The following IMMP2L variants were observed in gnomAD, a reference collection of about 807,000 sequenced individuals.
The protein encoded by IMMP2L is inner mitochondrial membrane peptidase subunit 2.
A neutral mutation model predicts 19.3 loss-of-function variants in IMMP2L; 18 were observed. That is an observed-to-expected ratio of 0.93 (90% CI 0.64 to 1.38). The LOEUF (loss-of-function observed/expected upper bound fraction) is 1.38, where lower values mean the gene tolerates loss of function less well. Ranked by LOEUF, IMMP2L falls within the 40% of genes most tolerant of loss-of-function variation. The probability of loss-of-function intolerance (pLI) is 0.00; values close to 1 mark genes in which losing one functional copy is unlikely to be tolerated. For synonymous variants in IMMP2L, 76 were observed against 73.0 expected, an observed-to-expected ratio of 1.04 and a Z score of -0.21; for missense variants, 233 against 218.2, an observed-to-expected ratio of 1.07 and a Z score of -0.43.
chr7:111,471,103 A>G (rs1033010582), intron 3 of IMMP2L, among the ~76,000 whole-genome samples: 5 of 152,022 alleles, frequency 3.3e-5, no homozygotes, highest in African/African-American at 1.2e-4. Flanking sequence ...AATTTTTCCA[A>G]AGAGTTTTTG....
chr7:110,888,653 A>C (rs979979623), intron 4 of IMMP2L, among the ~76,000 whole-genome samples: 1 of 152,214 alleles, frequency 6.6e-6, no homozygotes, highest in Non-Finnish European at 1.5e-5. Flanking sequence ...ATCATAAAAG[A>C]CCAGTGACAG....
intron 3 of IMMP2L, among the ~76,000 whole-genome samples, chr7:111,149,291 A>G (rs1419439677): frequency 6.6e-6 from 1 of 152,166 alleles, no homozygotes; most frequent in African/African-American, 2.4e-5. Context: ...GGATCTAATA[A>G]TGAAAAACAC....
At chr7:111,011,370 C>CA (rs1284149565) in intron 3 of IMMP2L, among the ~76,000 whole-genome samples, 1 of 152,088 alleles carries the variant, frequency 6.6e-6, no homozygotes, top group Non-Finnish European at 1.5e-5. Context: ...CACATGCACC[C>CA]AAACTGGACA....
intron 5 of IMMP2L, among the ~76,000 whole-genome samples, chr7:110,713,698 G>C (rs1562931766): frequency 6.6e-6 from 1 of 150,700 alleles, no homozygotes; most frequent in Non-Finnish European, 1.5e-5. Flanking sequence ...TTGGTGTGTG[G>C]CTATTGTAAA....
In IMMP2L at chr7:110,901,686, T is replaced by C. The variant is rs115315764; in HGVS notation, c.306-14991A>G. ...AAGTGGAATTCAATCTGGATACAGA[T>C]ATTGCATATAAGTAATATTATTTAA... On this transcript the variant is annotated intron_variant, in intron 4 of 5. Transcript: ENST00000405709. 4.4e-3 allele frequency among the ~76,000 whole-genome samples: 668 copies of C among 152,322 alleles called. 6 individuals carry two copies. The highest frequency in any genetic ancestry group is 0.015 in the African/African-American group (644 of 41,576).
intron 3 of IMMP2L, among the ~76,000 whole-genome samples, chr7:111,128,945 T>C (rs1276678821): frequency 6.6e-6 from 1 of 152,226 alleles, no homozygotes; most frequent in Non-Finnish European, 1.5e-5. Flanking sequence ...AAAAGGTTTA[T>C]CTAGCATAGA....
At chr7:110,855,529 T>G (rs894683312) in intron 5 of IMMP2L, among the ~76,000 whole-genome samples, 1 of 152,008 alleles carries the variant, frequency 6.6e-6, no homozygotes, top group Non-Finnish European at 1.5e-5. Flanking sequence ...CTTCCAAATT[T>G]CTCTGATTCT....
chr7:111,409,399 C>T (rs1406155405), intron 3 of IMMP2L, among the ~76,000 whole-genome samples: 1 of 151,684 alleles, frequency 6.6e-6, no homozygotes, highest in Non-Finnish European at 1.5e-5. Flanking sequence ...ATGAGTAACT[C>T]TCATAATTCA....
rs79831526 is a variant in IMMP2L at position 111,443,248 on chromosome 7, C to A, written c.239+43990G>T. On this transcript the variant is annotated intron_variant, in intron 3 of 5. Transcript: ENST00000405709. ...CATGATATATCAGAGACAATAATTT[C>A]TCTGTTAATTACTTATACCTCTGTT... Among the ~76,000 whole-genome samples, 1,151 of 151,858 alleles carry A rather than the reference C, an allele frequency of 7.6e-3. 44 individuals are homozygous for A. The highest frequency in any genetic ancestry group is 0.027 in the African/African-American group (1,105 of 41,180).
chr7:111,452,593 G>A (rs974849897), intron 3 of IMMP2L, among the ~76,000 whole-genome samples: 1 of 152,060 alleles, frequency 6.6e-6, no homozygotes, highest in African/African-American at 2.4e-5. Flanking sequence ...GATCATGAGT[G>A]AACTATCCAA....
intron 1 of IMMP2L, among the ~76,000 whole-genome samples, chr7:111,559,136 A>G (rs1791725078): frequency 6.6e-6 from 1 of 152,220 alleles, no homozygotes; most frequent in Admixed American, 6.5e-5. Flanking sequence ...CTATAGCAGT[A>G]CAGTTAATAT....
rs540463559 is a variant in IMMP2L, at chr7:111,013,298, A to G, written c.240-49733T>C. Among the ~76,000 whole-genome samples the G allele has an allele frequency of 2.4e-4, 37 of 152,280 alleles. 2 individuals carry two copies. Among genetic ancestry groups the G allele is most frequent in the African/African-American group, 7.9e-4 (33 of 41,558 alleles). On this transcript the variant is annotated intron_variant, in intron 3 of 5. Coordinates refer to ENST00000405709, the MANE Select transcript of IMMP2L (RefSeq NM_032549.4). ...GACATGAGCAAATCATATTTTATAA[A>G]TATGTTTCTGACTGAAGGAGGCAAG... is the stretch of plus-strand genomic sequence containing the variant.
intron 3 of IMMP2L, among the ~76,000 whole-genome samples, chr7:111,188,857 C>T (rs777671634): frequency 5.3e-4 from 80 of 152,086 alleles, no homozygotes; most frequent in Non-Finnish European, 9.3e-4. Context: ...TACAGAATAA[C>T]ATCTTTTTCA....
chr7:111,039,152 CAT>C (rs750380398), intron 3 of IMMP2L, among the ~76,000 whole-genome samples: 6 of 152,146 alleles, frequency 3.9e-5, no homozygotes, highest in Non-Finnish European at 7.3e-5. Context: ...TCATTTTTCA[CAT>C]ATGAGTTCAC....
chr7:111,006,806 C>T (rs1161005198), intron 3 of IMMP2L, among the ~76,000 whole-genome samples: 1 of 152,092 alleles, frequency 6.6e-6, no homozygotes, highest in Admixed American at 6.6e-5. Context: ...CCTTCTTTTA[C>T]CTAGCCAAGC....
At chr7:111,186,080 T>C (rs1808234692) in intron 3 of IMMP2L, among the ~76,000 whole-genome samples, 1 of 152,208 alleles carries the variant, frequency 6.6e-6, no homozygotes, top group Non-Finnish European at 1.5e-5. Context: ...AGTATTTTGC[T>C]AAATGAGTTC....
intron 3 of IMMP2L, among the ~76,000 whole-genome samples, chr7:111,144,882 A>G (rs1803302448): frequency 6.6e-6 from 1 of 152,148 alleles, no homozygotes; most frequent in Non-Finnish European, 1.5e-5. Flanking sequence ...AAATATATAA[A>G]TACAAACTGT....
intron 1 of IMMP2L, among the ~76,000 whole-genome samples, chr7:111,530,629 T>A (rs894139044): frequency 6.6e-6 from 1 of 151,624 alleles, no homozygotes; most frequent in Non-Finnish European, 1.5e-5. Flanking sequence ...ATAATATTCA[T>A]TGAGGAAAGA....
intron 3 of IMMP2L, among the ~76,000 whole-genome samples, chr7:111,163,618 AC>A (rs1477557220): frequency 2.6e-5 from 4 of 152,038 alleles, no homozygotes; most frequent in African/African-American, 9.7e-5. Flanking sequence ...TCAGTTGGAA[AC>A]TTAGCTGGTG....
Sources: gnomAD v4.1 joint callset for allele counts (sites outside exome capture counted in the v4.1 genomes callset) on GRCh38, gnomAD v4.1.1 for gene constraint, MANE v1.5 for transcripts, NCBI Gene and HGNC (gene_info 2026-07-23, HGNC 2026-07-21) for gene names.